The following PHPT1 variants were observed in gnomAD, a reference collection of about 807,000 sequenced individuals.
The protein encoded by PHPT1 is phosphohistidine phosphatase 1.
In PHPT1, 16 loss-of-function variants were observed where a neutral mutation model predicts 15.6. The ratio of observed to expected loss-of-function variants is 1.03; its 90% CI spans 0.70 to 1.56. The LOEUF (loss-of-function observed/expected upper bound fraction) is 1.56, where lower values mean the gene tolerates loss of function less well. PHPT1 is among the 40% of genes most tolerant of loss of function. PHPT1 has a pLI of 0.00. For synonymous variants in PHPT1, 102 were observed against 68.1 expected (o/e 1.50, Z -2.45); for missense variants, 228 against 171.0 (o/e 1.33, Z -1.86).
At chr9:136,850,708 G>A (rs568644215) in intron 2 of PHPT1, 47 bp from the exon 3 acceptor site, 354 of 1,540,056 alleles carry the variant, frequency 2.3e-4, no homozygotes, top group Non-Finnish European at 3.0e-4. Context: ...GCCGGGTATC[G>A]GGTTGAAGGG....
chr9:136,850,939 TC>T lies in PHPT1; in HGVS notation c.*94del. 1.0e-6 allele frequency: 1 copy of T among 956,134 alleles called. No homozygotes were observed. Among genetic ancestry groups the T allele is most frequent in the Non-Finnish European group, 1.7e-6 (1 of 583,652 alleles). The allele number at this position is 956,134 out of a possible 1,614,324, so 59.2% of individuals were successfully genotyped here. ...CTCTTGCAGGGCTGGCCCTGCCTGC[TC>T]CTGCGGCAGCCTCTGGTGACGTGCT... is the stretch of plus-strand genomic sequence containing the variant. On this transcript the variant is annotated 3_prime_UTR_variant, in exon 3 of 3. Transcript: ENST00000247665.
At chr9:136,850,430 T>C in intron 2 of PHPT1, 1 of 1,361,290 alleles carries the variant, frequency 7.3e-7, no homozygotes, top group Non-Finnish European at 1.0e-6. Flanking sequence ...CTTTGGGCCC[T>C]GGGCCCCCAG....
At chr9:136,849,963 G>A (rs1013571863) in intron 1 of PHPT1, 50 bp from the exon 2 acceptor site, 1 of 1,572,864 alleles carries the variant, frequency 6.4e-7, no homozygotes, top group African/African-American at 1.4e-5. Context: ...TTCCTCCCGC[G>A]GCCTCCAAGG....
In PHPT1 at chr9:136,849,571, C is replaced by CA; in HGVS notation, c.143dup (p.Trp49ValfsTer3). 6.2e-7 allele frequency: 1 copy of CA among 1,604,104 alleles called. No homozygotes were observed. The highest frequency in any genetic ancestry group is 1.1e-5 in the South Asian group (1 of 90,334). On this transcript the variant is annotated frameshift_variant, in exon 1 of 3. Coordinates refer to ENST00000247665, the MANE Select transcript of PHPT1 (RefSeq NM_014172.6). LOFTEE classifies it high-confidence loss of function. Reference sequence around the variant, plus strand: ...AGAGCAAGGAGATCGTGCGCGGCTACAAGTGGGCTGAGTACCATGGTGAGG... The same window carrying CA: ...AGAGCAAGGAGATCGTGCGCGGCTACAAAGTGGGCTGAGTACCATGGTGAGG...
At chr9:136,850,700 C>T (rs1588388219) in intron 2 of PHPT1, 55 bp from the exon 3 acceptor site, 8 of 1,515,086 alleles carry the variant, frequency 5.3e-6, no homozygotes, top group East Asian at 2.3e-5. Flanking sequence ...TGCCCAGAGC[C>T]GGGTATCGGG....
chr9:136,850,141 A>C lies in PHPT1; in HGVS notation c.285+4A>C. 1 of 1,612,964 alleles carries C rather than the reference A, an allele frequency of 6.2e-7. No individual in the cohort carries two copies. The highest frequency in any genetic ancestry group is 1.1e-5 in the South Asian group (1 of 91,086). On this transcript the variant is annotated splice_donor_region_variant and intron_variant, in intron 2 of 2. Transcript: ENST00000247665. Reference sequence around the variant, plus strand: ...TCACGTGTACGGCTATTCCATGGTGAGCCGCAGCCCCGTCCCGCCCTGCCG... The same window carrying C: ...TCACGTGTACGGCTATTCCATGGTGCGCCGCAGCCCCGTCCCGCCCTGCCG...
rs748061341 is a variant in PHPT1, at chr9:136,850,034, C to T, written c.182C>T (p.Ser61Leu). The change falls in exon 2 of 3, where the codon TCG becomes TTG. Residue 61 changes from serine to leucine, a missense_variant. Transcript: ENST00000247665. ...CCAGCGGACATCTACGACAAAGTGT[C>T]GGGCGACATGCAGAAGCAAGGCTGC... ...EYHADIYDKV[S>L]GDMQKQGCDC... is the part of the protein sequence containing the mutation. 5 of 1,612,766 alleles carry T rather than the reference C, an allele frequency of 3.1e-6. No individual in the cohort carries two copies. The highest frequency in any genetic ancestry group is 3.3e-4 in the Middle Eastern group (2 of 6,056).
At chr9:136,850,553 C>T (rs1170237219) in intron 2 of PHPT1, 1 of 1,611,714 alleles carries the variant, frequency 6.2e-7, no homozygotes, top group African/African-American at 1.3e-5. Context: ...CCAGGATCCA[C>T]CATCAAGGTT....
In PHPT1 at chr9:136,849,527, T is replaced by C; in HGVS notation, c.97T>C (p.Ser33Pro). Residue 33 changes from serine (S) to proline (P), a missense_variant, in exon 1 of 3, where the codon TCC becomes CCC. Coordinates refer to ENST00000247665, the MANE Select transcript of PHPT1 (RefSeq NM_014172.6). The stretch of plus-strand genomic sequence containing the variant: ...GATCCGAGTCCACTCGGCTCCCCGC[T>C]CCGGGGCTCCGGCTGCAGAGAGCAA... ...VLIRVHSAPR[S>P]GAPAAESKEI... 2 of 1,611,160 alleles carry C rather than the reference T, an allele frequency of 1.2e-6. No individual in the cohort carries two copies. The highest frequency in any genetic ancestry group is 1.7e-6 in the Non-Finnish European group (2 of 1,179,498).
chr9:136,850,282 C>T lies in PHPT1; in HGVS notation c.285+145C>T. ...AGGGTCGGCGGCAGAGCCCTCCCTC[C>T]AGGGCCCATTGTGTTCCTGCATTCC... On this transcript the variant is annotated intron_variant, in intron 2 of 2. Transcript: ENST00000247665. 10 of 1,069,534 alleles carry T rather than the reference C, an allele frequency of 9.3e-6. No individual in the cohort carries two copies. In the South Asian group the frequency reaches 9.9e-5, roughly 11 times the overall value. The allele number at this position is 1,069,534 out of a possible 1,614,324, so 66.3% of individuals were successfully genotyped here. A position where few individuals can be genotyped will look rare whatever the true frequency, so the allele number is the denominator to read the frequency against.
chr9:136,850,128 C>T lies in PHPT1; in HGVS notation c.276C>T (p.Gly92=). 1 of 1,613,152 alleles carries T rather than the reference C, an allele frequency of 6.2e-7. No individual in the cohort carries two copies. Among genetic ancestry groups the T allele is most frequent in the Non-Finnish European group, 8.5e-7 (1 of 1,179,912 alleles). Residue 92 remains glycine (G), a synonymous_variant, in exon 2 of 3, where the codon GGC becomes GGT. Transcript: ENST00000247665. The part of the protein sequence containing the change: ...QSQDKKIHVY[G]YSMAYGPAQH... ...AGGACAAGAAGATTCACGTGTACGG[C>T]TATTCCATGGTGAGCCGCAGCCCCG... is the stretch of plus-strand genomic sequence containing the variant.
intron 2 of PHPT1, 93 bp from the exon 3 acceptor site, chr9:136,850,662 C>T: frequency 2.7e-6 from 4 of 1,498,158 alleles, no homozygotes; most frequent in East Asian, 2.3e-5. Context: ...CTTTCCCACA[C>T]TCGCTTCTGG....
Position 136,849,464 on chromosome 9 carries a change from G to A in PHPT1, c.34G>A (p.Val12Met), listed in dbSNP as rs2131223348. ...AVADLALIPD[V>M]DIDSDGVFKY... ...GGCGGACCTCGCTCTCATTCCTGAT[G>A]TGGACATCGACTCCGACGGCGTCTT... Residue 12 changes from valine (V) to methionine (M), a missense_variant, in exon 1 of 3, where the codon GTG becomes ATG. By Grantham distance (21) the Val-to-Met change is conservative (BLOSUM62 1). Transcript: ENST00000247665. 3 of 1,610,936 alleles carry A rather than the reference G, an allele frequency of 1.9e-6. No homozygotes were observed. Among genetic ancestry groups the A allele is most frequent in the Non-Finnish European group, 2.5e-6 (3 of 1,179,090 alleles).
intron 2 of PHPT1, 185 bp from the exon 3 acceptor site, chr9:136,850,570 C>T: frequency 1.2e-6 from 2 of 1,610,134 alleles, no homozygotes; most frequent in Non-Finnish European, 1.7e-6. Flanking sequence ...GGTTTGCTTG[C>T]CTGTGGAGGT....
chr9:136,850,455 T>C, intron 2 of PHPT1: 2 of 1,527,930 alleles, frequency 1.3e-6, no homozygotes, highest in Non-Finnish European at 1.8e-6. Flanking sequence ...AGTCAGTACC[T>C]GGGTGGAGCT....
chr9:136,849,856 C>T, intron 1 of PHPT1, 157 bp from the exon 2 acceptor site: 1 of 848,542 alleles, frequency 1.2e-6, no homozygotes, highest in Non-Finnish European at 1.8e-6. Context: ...TTCCACCCTC[C>T]TTCGCTCATT....
chr9:136,850,916 C>G lies in PHPT1; in HGVS notation c.*69C>G, dbSNP rs753671031. 1 of 1,179,204 alleles carries G rather than the reference C, an allele frequency of 8.5e-7. No homozygotes were observed. The highest frequency in any genetic ancestry group is 1.2e-5 in the South Asian group (1 of 82,538). 73.0% of individuals were successfully genotyped at this position (1,179,204 alleles called of 1,614,324 possible). On this transcript the variant is annotated 3_prime_UTR_variant, in exon 3 of 3. Coordinates refer to ENST00000247665, the MANE Select transcript of PHPT1 (RefSeq NM_014172.6). Reference sequence around the variant, plus strand: ...AGCCCCCGCCTTTGCCTGCACTCCTCTTGCAGGGCTGGCCCTGCCTGCTCC... The same window carrying G: ...AGCCCCCGCCTTTGCCTGCACTCCTGTTGCAGGGCTGGCCCTGCCTGCTCC...
Position 136,849,746 on chromosome 9 carries a change from C to T in PHPT1, c.160+156C>T, listed in dbSNP as rs549207926. The T allele has an allele frequency of 6.8e-5, 55 of 810,256 alleles. No homozygotes were observed. In the Middle Eastern group the frequency reaches 1.1e-3, roughly 17 times the overall value. The allele number at this position is 810,256 out of a possible 1,614,324, so 50.2% of individuals were successfully genotyped here. ...GGACTGCGCTCTGCTCCGAGTCCTG[C>T]CCCTGCTAGGTTTGACCCAGGCTGA... On this transcript the variant is annotated intron_variant, in intron 1 of 2. Coordinates refer to ENST00000247665, the MANE Select transcript of PHPT1 (RefSeq NM_014172.6).
rs1274722923 is a variant in PHPT1, at chr9:136,849,469, CA to C, written c.40del (p.Ile14SerfsTer11). On this transcript the variant is annotated frameshift_variant, in exon 1 of 3. Transcript: ENST00000247665. LOFTEE classifies it high-confidence loss of function. Reference protein sequence around the residue: ...ADLALIPDVDIDSDGVFKYVL... With the variant: ...ADLALIPDVDXDSDGVFKYVL... ...ACCTCGCTCTCATTCCTGATGTGGA[CA>C]TCGACTCCGACGGCGTCTTCAAGTA... The C allele has an allele frequency of 6.2e-7, 1 of 1,611,036 alleles. No individual in the cohort carries two copies. The highest frequency in any genetic ancestry group is 8.5e-7 in the Non-Finnish European group (1 of 1,179,216).
Sources: allele counts gnomAD v4.1 joint callset, GRCh38; gene constraint gnomAD v4.1.1; transcripts MANE v1.5; gene names NCBI Gene and HGNC (gene_info 2026-07-23, HGNC 2026-07-21).